FBXO47: variants seen among roughly 807,000 people sequenced by gnomAD.
FBXO47 encodes F-box only protein 47.
FBXO47 carries 34 observed loss-of-function variants against 53.9 expected under a neutral mutation model. That is an observed-to-expected ratio of 0.63 (90% CI 0.48 to 0.84). FBXO47 has a LOEUF of 0.84. FBXO47 is among the 40% of genes least tolerant of loss of function. The probability of loss-of-function intolerance (pLI) is 0.00; values close to 1 mark genes in which losing one functional copy is unlikely to be tolerated. For synonymous variants in FBXO47, 165 were observed against 181.6 expected (o/e 0.91, Z 0.73); for missense variants, 485 against 541.3 (o/e 0.90, Z 1.03).
chr17:38,952,826 T>TTTC (rs900309133), intron 5 of FBXO47, among the ~76,000 whole-genome samples: 2 of 149,766 alleles, frequency 1.3e-5, no homozygotes, highest in African/African-American at 4.9e-5. Flanking sequence ...TTTTTTTTTT[T>TTTC]TTTTTTTTGT....
chr17:38,938,525 A>T, intron 10 of FBXO47, 48 bp downstream of exon 10: 1 of 1,402,840 alleles, frequency 7.1e-7, no homozygotes, highest in Non-Finnish European at 9.8e-7. Flanking sequence ...GGTGGAGACT[A>T]GAGCGCATTT....
intron 10 of FBXO47, 79 bp downstream of exon 10, chr17:38,938,494 G>A: frequency 1.0e-6 from 1 of 968,708 alleles, no homozygotes; most frequent in Non-Finnish European, 1.4e-6. Flanking sequence ...TGGACTGTTA[G>A]AGAAAAATAT....
intron 3 of FBXO47, among the ~76,000 whole-genome samples, chr17:38,959,431 T>C (rs1905708356): frequency 6.6e-6 from 1 of 151,420 alleles, no homozygotes; most frequent in African/African-American, 2.4e-5. Context: ...AATACAAAAA[T>C]TAGTTAGACA....
intron 6 of FBXO47, among the ~76,000 whole-genome samples, chr17:38,947,236 G>A (rs1904993700): frequency 6.6e-6 from 1 of 151,190 alleles, no homozygotes; most frequent in African/African-American, 2.4e-5. Flanking sequence ...GGAGATGGAG[G>A]TGGCAGCGAG....
At chr17:38,947,043 TATATAAAAAC>T (rs1314140675) in intron 6 of FBXO47, among the ~76,000 whole-genome samples, 4 of 129,274 alleles carry the variant, frequency 3.1e-5, no homozygotes, top group African/African-American at 1.0e-4. Flanking sequence ...TATATGTAAA[TATATAAAAAC>T]ATATATAAAT....
intron 9 of FBXO47, among the ~76,000 whole-genome samples, chr17:38,939,918 C>T (rs572346671): frequency 3.3e-5 from 5 of 151,686 alleles, no homozygotes; most frequent in African/African-American, 4.9e-5. Context: ...CCACCCGCCT[C>T]GGCCTCCCAA....
intron 6 of FBXO47, among the ~76,000 whole-genome samples, chr17:38,948,689 G>A (rs1196721711): frequency 6.6e-6 from 1 of 151,646 alleles, no homozygotes; most frequent in Non-Finnish European, 1.5e-5. Flanking sequence ...AAGATGTGCA[G>A]GTTACACAGG....
At chr17:38,945,563 C>A (rs1480389849) in intron 6 of FBXO47, among the ~76,000 whole-genome samples, 1 of 151,882 alleles carries the variant, frequency 6.6e-6, no homozygotes, top group Non-Finnish European at 1.5e-5. Context: ...CGTTGTGAAG[C>A]CGAGGTGGGA....
intron 6 of FBXO47, among the ~76,000 whole-genome samples, chr17:38,949,236 G>A (rs1490481154): frequency 1.3e-5 from 2 of 151,936 alleles, no homozygotes; most frequent in Non-Finnish European, 2.9e-5. Flanking sequence ...GGACAACATG[G>A]TGAAACCCCA....
chr17:38,954,936 G>A lies in FBXO47; in HGVS notation c.430-3C>T. 1 of 1,604,560 alleles carries A rather than the reference G, an allele frequency of 6.2e-7. No individual in the cohort carries two copies. On this transcript the variant is annotated splice_region_variant and splice_polypyrimidine_tract_variant and intron_variant, in intron 4 of 10. Coordinates refer to ENST00000378079, the MANE Select transcript of FBXO47 (RefSeq NM_001008777.3). ...CCATTGAATTTAAAGCAGGAAACCT[G>A]TAAAGAAAACAATGTTAATACCTCC...
intron 2 of FBXO47, 41 bp downstream of exon 2, chr17:38,962,804 T>C: frequency 7.0e-7 from 1 of 1,423,332 alleles, no homozygotes; most frequent in Non-Finnish European, 9.7e-7. Context: ...TAAAATACTC[T>C]AGTGTCTTGT....
chr17:38,966,857 C>T (rs1390543011), intron 1 of FBXO47, among the ~76,000 whole-genome samples: 2 of 152,014 alleles, frequency 1.3e-5, no homozygotes, highest in Non-Finnish European at 2.9e-5. Flanking sequence ...ACCCCTCTAG[C>T]GAATAAGAAT....
chr17:38,950,457 G>A (rs923409435), intron 6 of FBXO47, among the ~76,000 whole-genome samples: 1 of 147,642 alleles, frequency 6.8e-6, no homozygotes, highest in Non-Finnish European at 1.5e-5. Context: ...GATCATGCCC[G>A]CCTAATTTTT....
At chr17:38,964,141 C>T (rs1383884293) in intron 1 of FBXO47, among the ~76,000 whole-genome samples, 3 of 152,010 alleles carry the variant, frequency 2.0e-5, no homozygotes, top group Non-Finnish European at 4.4e-5. Context: ...AGTAATAATT[C>T]TTCCCTCAAT....
intron 1 of FBXO47, among the ~76,000 whole-genome samples, chr17:38,964,272 C>T (rs749768540): frequency 1.8e-4 from 28 of 151,964 alleles, no homozygotes; most frequent in Non-Finnish European, 3.2e-4. Flanking sequence ...CCAGCCTGAC[C>T]AACATGGTGA....
At chr17:38,952,846 G>GTTTTTTTTTTTT (rs1905365496) in intron 5 of FBXO47, among the ~76,000 whole-genome samples, 1 of 136,850 alleles carries the variant, frequency 7.3e-6, no homozygotes, top group East Asian at 2.4e-4. Flanking sequence ...TAGAGATGGG[G>GTTTTTTTTTTTT]TTTTGTCATG....
chr17:38,964,737 G>A (rs1351145323), intron 1 of FBXO47, among the ~76,000 whole-genome samples: 2 of 152,146 alleles, frequency 1.3e-5, no homozygotes, highest in South Asian at 2.1e-4. Flanking sequence ...AAGGGCCTAC[G>A]CATCTTGATT....
At chr17:38,964,170 T>C (rs770049320) in intron 1 of FBXO47, among the ~76,000 whole-genome samples, 51 of 152,196 alleles carry the variant, frequency 3.4e-4, no homozygotes, top group Non-Finnish European at 6.0e-4. Context: ...CTGTTAATAA[T>C]AGCTACTGGC....
At chr17:38,953,128 CA>C (rs1905384228) in intron 5 of FBXO47, among the ~76,000 whole-genome samples, 1 of 90,124 alleles carries the variant, frequency 1.1e-5, no homozygotes, top group Admixed American at 1.7e-4. Context: ...AAAAAAACCA[CA>C]CACACACACA....
Sources: allele counts gnomAD v4.1 joint callset (sites outside exome capture counted in the v4.1 genomes callset), GRCh38; gene constraint gnomAD v4.1.1; transcripts MANE v1.5; gene names NCBI Gene and HGNC (gene_info 2026-07-23, HGNC 2026-07-21).